The following WWOX variants were observed in gnomAD, a reference collection of about 807,000 sequenced individuals.
WWOX encodes WW domain containing oxidoreductase, also known as WW domain-containing oxidoreductase.
WWOX carries 69 observed loss-of-function variants against 46.2 expected under a neutral mutation model. The observed-to-expected ratio is 1.49, with a 90% CI of 1.23 to 1.82. WWOX has a LOEUF of 1.82. WWOX is among the 40% of genes most tolerant of loss of function. WWOX has a pLI of 0.00. For synonymous variants in WWOX, 359 were observed against 202.6 expected (o/e 1.77, Z -6.56); for missense variants, 919 against 542.6 (o/e 1.69, Z -6.89).
intron 8 of WWOX, among the ~76,000 whole-genome samples, chr16:78,677,298 A>G (rs1276592447): frequency 1.3e-5 from 2 of 152,072 alleles, no homozygotes; most frequent in African/African-American, 4.8e-5. Flanking sequence ...TTCTCTGTCT[A>G]CTCATTACGT....
At chr16:78,358,042 T>C (rs2081334876) in intron 5 of WWOX, among the ~76,000 whole-genome samples, 1 of 152,224 alleles carries the variant, frequency 6.6e-6, no homozygotes, top group African/African-American at 2.4e-5. Flanking sequence ...ATGAACCATA[T>C]GCACGAGAAC....
chr16:79,199,212 G>A (rs539286660), intron 8 of WWOX, among the ~76,000 whole-genome samples: 11 of 152,222 alleles, frequency 7.2e-5, no homozygotes, highest in Non-Finnish European at 1.3e-4. Flanking sequence ...ACAGGTGTGC[G>A]CCACCACGCC....
intron 8 of WWOX, among the ~76,000 whole-genome samples, chr16:78,540,319 A>G (rs148519149): frequency 1.1e-3 from 173 of 151,984 alleles, no homozygotes; most frequent in African/African-American, 4.1e-3. Context: ...TCTCTTTAAA[A>G]TCACCATCTT....
chr16:78,982,520 C>G (rs566007433), intron 8 of WWOX, among the ~76,000 whole-genome samples: 1 of 152,170 alleles, frequency 6.6e-6, no homozygotes, highest in South Asian at 2.1e-4. Flanking sequence ...TATCTTTAGA[C>G]TTTAACTGAC....
At chr16:78,859,879 T>G (rs960586465) in intron 8 of WWOX, among the ~76,000 whole-genome samples, 11 of 152,234 alleles carry the variant, frequency 7.2e-5, no homozygotes, top group Non-Finnish European at 1.2e-4. Context: ...CTATTTTCAC[T>G]TACTTATAAA....
At chr16:78,896,589 ACT>A (rs1337131809) in intron 8 of WWOX, 1 of 152,112 alleles carries the variant, frequency 6.6e-6, no homozygotes, top group African/African-American at 2.4e-5. Flanking sequence ...ACTGAAGCCT[ACT>A]CTCTTTCCAC....
chr16:79,188,246 C>A (rs1028728128), intron 8 of WWOX, among the ~76,000 whole-genome samples: 1 of 152,186 alleles, frequency 6.6e-6, no homozygotes, highest in Non-Finnish European at 1.5e-5. Flanking sequence ...GAAACACACA[C>A]TTTTGCCCTC....
At chr16:78,909,729 A>G (rs1049884920) in intron 8 of WWOX, among the ~76,000 whole-genome samples, 5 of 152,344 alleles carry the variant, frequency 3.3e-5, no homozygotes, top group African/African-American at 1.2e-4. Flanking sequence ...AACCATATGC[A>G]TCGTATTTTA....
At chr16:79,061,524 A>G (rs2048357331) in intron 8 of WWOX, among the ~76,000 whole-genome samples, 1 of 152,210 alleles carries the variant, frequency 6.6e-6, no homozygotes, top group African/African-American at 2.4e-5. Flanking sequence ...TTCAACAATT[A>G]GAAGCTGCTG....
intron 8 of WWOX, among the ~76,000 whole-genome samples, chr16:78,802,202 GTTTTTTT>G (rs60554747): frequency 1.0e-5 from 1 of 96,764 alleles, no homozygotes; most frequent in Admixed American, 1.2e-4. Flanking sequence ...GTTTGTTTAG[GTTTTTTT>G]TTTTTTTTTT....
chr16:78,382,924 C>G (rs2081985369), intron 5 of WWOX, among the ~76,000 whole-genome samples: 1 of 151,854 alleles, frequency 6.6e-6, no homozygotes, highest in Admixed American at 6.6e-5. Context: ...GCTCATTGTT[C>G]TGTGTTCATG....
intron 8 of WWOX, among the ~76,000 whole-genome samples, chr16:78,541,037 T>G (rs1037050665): frequency 2.6e-5 from 4 of 152,012 alleles, no homozygotes; most frequent in Admixed American, 2.0e-4. Flanking sequence ...GTGGCGTGGG[T>G]AGATACAATT....
At chr16:79,147,956 T>C (rs1489180976) in intron 8 of WWOX, among the ~76,000 whole-genome samples, 1 of 152,236 alleles carries the variant, frequency 6.6e-6, no homozygotes, top group Non-Finnish European at 1.5e-5. Context: ...GAAAATTCTT[T>C]ATATATTCTA....
At chr16:78,156,769 C>G (rs1227499849) in intron 4 of WWOX, among the ~76,000 whole-genome samples, 1 of 151,906 alleles carries the variant, frequency 6.6e-6, no homozygotes, top group Non-Finnish European at 1.5e-5. Flanking sequence ...ACTAAAAATA[C>G]AAAAATTAGC....
chr16:78,678,472 G>A (rs532203209), intron 8 of WWOX, among the ~76,000 whole-genome samples: 2 of 152,188 alleles, frequency 1.3e-5, no homozygotes, highest in South Asian at 2.1e-4. Flanking sequence ...AAACATTTGA[G>A]CACCTGTTTG....
intron 8 of WWOX, among the ~76,000 whole-genome samples, chr16:78,634,378 T>A (rs193256813): frequency 2.0e-5 from 3 of 152,104 alleles, no homozygotes; most frequent in African/African-American, 2.4e-5. Flanking sequence ...GCACCAAAAA[T>A]GCTGTTTGAC....
intron 8 of WWOX, among the ~76,000 whole-genome samples, chr16:78,482,196 G>C (rs2084510634): frequency 6.6e-6 from 1 of 152,036 alleles, no homozygotes; most frequent in African/African-American, 2.4e-5. Context: ...GGTTGAAGGA[G>C]GTCACTTGCT....
chr16:78,325,628 C>T (rs1268177674), intron 5 of WWOX, among the ~76,000 whole-genome samples: 2 of 152,190 alleles, frequency 1.3e-5, no homozygotes, highest in East Asian at 3.8e-4. Flanking sequence ...AGAAGGAGGT[C>T]AACCCGGCCT....
intron 5 of WWOX, among the ~76,000 whole-genome samples, chr16:78,386,146 C>T (rs748973966): frequency 2.0e-5 from 3 of 152,174 alleles, no homozygotes; most frequent in African/African-American, 7.2e-5. Flanking sequence ...TTGTAAGATG[C>T]TGCATTGTCA....
Sources: allele counts gnomAD v4.1 joint callset (sites outside exome capture counted in the v4.1 genomes callset), GRCh38; gene constraint gnomAD v4.1.1; transcripts MANE v1.5; gene names NCBI Gene and HGNC (gene_info 2026-07-23, HGNC 2026-07-21).